The following LOC122539214 variants were observed in gnomAD, a reference collection of about 807,000 sequenced individuals.
the LOC122539214 span, among the ~76,000 whole-genome samples, chr19:52,679,774 C>G: frequency 6.6e-6 from 1 of 152,160 alleles, no homozygotes; most frequent in African/African-American, 2.4e-5. Context: ...TCAAAGTGTT[C>G]TTCATGAATT....
chr19:52,683,563 G>A, the LOC122539214 span, among the ~76,000 whole-genome samples: 2 of 147,994 alleles, frequency 1.4e-5, no homozygotes, highest in South Asian at 4.3e-4. Context: ...GCCAAACTGG[G>A]TCCTGGTGAT....
chr19:52,655,695 T>C, the LOC122539214 span: 1 of 1,020,980 alleles, frequency 9.8e-7, no homozygotes, highest in South Asian at 1.3e-5. Flanking sequence ...TCCCTAAAAT[T>C]AAACACACAT....
At chr19:52,657,944 C>G in the LOC122539214 span, among the ~76,000 whole-genome samples, 1 of 151,770 alleles carries the variant, frequency 6.6e-6, no homozygotes, top group Non-Finnish European at 1.5e-5. Context: ...CAAGACCAGC[C>G]TGATCAACAT....
At chr19:52,681,303 C>CAAAAAAAAAAAAAAAAAAAAAAAAA in the LOC122539214 span, among the ~76,000 whole-genome samples, 6 of 78,316 alleles carry the variant, frequency 7.7e-5, no homozygotes, top group Middle Eastern at 7.8e-3. Flanking sequence ...AAAAAAAAAG[C>CAAAAAAAAAAAAAAAAAAAAAAAAA]AAACGAACAT....
the LOC122539214 span, among the ~76,000 whole-genome samples, chr19:52,678,781 C>T: frequency 6.6e-6 from 1 of 152,056 alleles, no homozygotes; most frequent in African/African-American, 2.4e-5. Flanking sequence ...CAAGACCAGC[C>T]TGGCCAACAT....
the LOC122539214 span, among the ~76,000 whole-genome samples, chr19:52,684,258 C>T: frequency 2.0e-5 from 3 of 151,834 alleles, no homozygotes; most frequent in African/African-American, 4.8e-5. Flanking sequence ...CCCAGCTACT[C>T]GGGAGGCTGA....
the LOC122539214 span, among the ~76,000 whole-genome samples, chr19:52,678,009 TG>T: frequency 6.7e-6 from 1 of 149,752 alleles, no homozygotes; most frequent in Non-Finnish European, 1.5e-5. Context: ...CACTACAACC[TG>T]GGTGACAGAG....
At chr19:52,676,061 C>T in the LOC122539214 span, among the ~76,000 whole-genome samples, 4,436 of 152,206 alleles carry the variant, frequency 0.029, 205 homozygotes, top group African/African-American at 0.1. Flanking sequence ...CTCCCTCTCC[C>T]GCTCACTGCA....
At chr19:52,675,815 G>A in the LOC122539214 span, among the ~76,000 whole-genome samples, 125,928 of 152,150 alleles carry the variant, frequency 0.83, 52,772 homozygotes, top group African/African-American at 0.96. Flanking sequence ...GAGCTTGGAC[G>A]AAAGTGGAAC....
At chr19:52,688,867 C>T in the LOC122539214 span, among the ~76,000 whole-genome samples, 6 of 148,866 alleles carry the variant, frequency 4.0e-5, no homozygotes, top group Non-Finnish European at 8.9e-5. Context: ...ACATCAAGAA[C>T]GGTTACAGGA....
chr19:52,687,116 G>C, the LOC122539214 span, among the ~76,000 whole-genome samples: 1 of 150,426 alleles, frequency 6.6e-6, no homozygotes, highest in South Asian at 2.1e-4. Context: ...AGAAAGCAGA[G>C]GTTGCACTAA....
the LOC122539214 span, among the ~76,000 whole-genome samples, chr19:52,687,630 A>AAT: frequency 7.0e-4 from 9 of 12,770 alleles, 2 homozygotes; most frequent in African/African-American, 1.6e-3. Context: ...ATATATATAT[A>AAT]ATGTATATAT....
At chr19:52,668,772 G>A in the LOC122539214 span, among the ~76,000 whole-genome samples, 1 of 152,222 alleles carries the variant, frequency 6.6e-6, no homozygotes, top group African/African-American at 2.4e-5. Flanking sequence ...TGGCAGGCCA[G>A]AGGCCCAGAT....
the LOC122539214 span, among the ~76,000 whole-genome samples, chr19:52,663,495 G>GT: frequency 1.3e-5 from 2 of 152,150 alleles, no homozygotes; most frequent in African/African-American, 4.8e-5. Flanking sequence ...TGAGGAAAAT[G>GT]TTTACTTAGA....
At chr19:52,671,532 C>T in the LOC122539214 span, among the ~76,000 whole-genome samples, 24 of 152,056 alleles carry the variant, frequency 1.6e-4, no homozygotes, top group Admixed American at 1.6e-3. Flanking sequence ...CACCCTCAAC[C>T]TCTGGTGCTC....
At chr19:52,663,246 G>A in the LOC122539214 span, among the ~76,000 whole-genome samples, 1 of 152,142 alleles carries the variant, frequency 6.6e-6, no homozygotes, top group Non-Finnish European at 1.5e-5. Context: ...AGGTCCTGAT[G>A]GCATGAATCC....
chr19:52,674,707 T>A, the LOC122539214 span, among the ~76,000 whole-genome samples: 6 of 152,228 alleles, frequency 3.9e-5, no homozygotes, highest in East Asian at 1.2e-3. Context: ...GGAATAAACG[T>A]AAAAATGCGA....
At chr19:52,671,846 T>G in the LOC122539214 span, among the ~76,000 whole-genome samples, 22 of 152,346 alleles carry the variant, frequency 1.4e-4, no homozygotes, top group African/African-American at 5.1e-4. Context: ...TGTTAGGATT[T>G]ATTTTCATAT....
At chr19:52,680,132 T>A in the LOC122539214 span, among the ~76,000 whole-genome samples, 1 of 151,954 alleles carries the variant, frequency 6.6e-6, no homozygotes, top group Non-Finnish European at 1.5e-5. Context: ...TAAGAAGAGA[T>A]CACACCACTG....
Sources: gnomAD v4.1 joint callset for allele counts (sites outside exome capture counted in the v4.1 genomes callset) on GRCh38, gnomAD v4.1.1 for gene constraint, MANE v1.5 for transcripts.